The following PIK3CD variants were observed in gnomAD, a reference collection of about 807,000 sequenced individuals.
The protein encoded by PIK3CD is phosphatidylinositol 4,5-bisphosphate 3-kinase catalytic subunit delta isoform.
PIK3CD carries 20 observed loss-of-function variants against 122.9 expected under a neutral mutation model. That is an observed-to-expected ratio of 0.16 (90% CI 0.11 to 0.24). The LOEUF (loss-of-function observed/expected upper bound fraction) is 0.24, where lower values mean the gene tolerates loss of function less well. Ranked by LOEUF, PIK3CD falls within the 10% of genes least tolerant of loss-of-function variation. The probability of loss-of-function intolerance (pLI) is 1.00; values close to 1 mark genes in which losing one functional copy is unlikely to be tolerated. For missense variants in PIK3CD, 787 were observed against 1,406.3 expected (o/e 0.56, Z 7.04); for synonymous variants, 596 against 593.4 (o/e 1.00, Z -0.06).
At chr1:9,674,692 C>CAAAAAAAAAA (rs35463378) in intron 1 of PIK3CD, among the ~76,000 whole-genome samples, 2 of 58,194 alleles carry the variant, frequency 3.4e-5, no homozygotes, top group Admixed American at 1.7e-4. Context: ...GACTCCGTCT[C>CAAAAAAAAAA]AAAAAAAAAA....
At chr1:9,675,578 A>C (rs1427027632) in intron 1 of PIK3CD, among the ~76,000 whole-genome samples, 1 of 151,826 alleles carries the variant, frequency 6.6e-6, no homozygotes, top group African/African-American at 2.4e-5. Context: ...CCCAGGAAGA[A>C]GTGCTGGGTT....
intron 1 of PIK3CD, among the ~76,000 whole-genome samples, chr1:9,664,025 C>CTTTCTT (rs1167340633): frequency 8.8e-5 from 13 of 147,908 alleles, no homozygotes; most frequent in Admixed American, 3.4e-4. Flanking sequence ...CGTTTTCTTT[C>CTTTCTT]TTTCTTTTTC....
chr1:9,663,432 C>T (rs1040946852), intron 1 of PIK3CD, among the ~76,000 whole-genome samples: 6 of 152,160 alleles, frequency 3.9e-5, no homozygotes, highest in Admixed American at 1.3e-4. Flanking sequence ...CCTCATTTCA[C>T]GGACCCAGAT....
At chr1:9,629,062 G>C in the PIK3CD span, among the ~76,000 whole-genome samples, 18 of 152,196 alleles carry the variant, frequency 1.2e-4, no homozygotes, top group Admixed American at 5.2e-4. Flanking sequence ...TCTCCCCACT[G>C]TCACCCCAGT....
intron 1 of PIK3CD, chr1:9,688,030 G>C (rs907088686): frequency 6.6e-6 from 1 of 152,226 alleles, no homozygotes; most frequent in Non-Finnish European, 1.5e-5. Flanking sequence ...GCCCTGGCTA[G>C]GGAGCTCCGA....
chr1:9,678,185 C>T (rs564214315), intron 1 of PIK3CD, among the ~76,000 whole-genome samples: 2 of 151,960 alleles, frequency 1.3e-5, no homozygotes, highest in Admixed American at 6.6e-5. Flanking sequence ...AAAATCCGGC[C>T]GGGCACTGTG....
chr1:9,691,354 C>T, intron 1 of PIK3CD, 113 bp from the exon 2 acceptor site: 1 of 391,182 alleles, frequency 2.6e-6, no homozygotes. Flanking sequence ...AAGGAGAGAC[C>T]TAGATGAAGC....
intron 1 of PIK3CD, among the ~76,000 whole-genome samples, chr1:9,655,454 C>CG (rs1296210354): frequency 7.5e-6 from 1 of 132,978 alleles, no homozygotes; most frequent in Non-Finnish European, 1.6e-5. Context: ...CCGCCCCCCC[C>CG]CCTTTTTTAT....
intron 3 of PIK3CD, among the ~76,000 whole-genome samples, chr1:9,714,963 G>A (rs1359187917): frequency 6.6e-6 from 1 of 152,072 alleles, no homozygotes; most frequent in Non-Finnish European, 1.5e-5. Flanking sequence ...CTGAGGTCAG[G>A]AGTTTGAGAC....
At position 9,724,735 on chromosome 1, in the gene PIK3CD, T is replaced by G; in HGVS notation, c.2865-69T>G. 6.3e-7 allele frequency: 1 copy of G among 1,599,256 alleles called. No homozygotes were observed. Among genetic ancestry groups the G allele is most frequent in the South Asian group, 1.1e-5 (1 of 90,696 alleles). On this transcript the variant is annotated intron_variant, in intron 22 of 23. Transcript: ENST00000377346. The surrounding 1 kb of genome is among the most constrained non-coding windows in gnomAD (Gnocchi z 7.3). ...GTCCTTGGGGAAGGGGCTGGTTGGATGCAGAGCGGCCCTCTGGCCTGTGGC... is the reference window on the plus strand; with the variant it reads ...GTCCTTGGGGAAGGGGCTGGTTGGAGGCAGAGCGGCCCTCTGGCCTGTGGC...
At chr1:9,675,243 G>A (rs1236635037) in intron 1 of PIK3CD, among the ~76,000 whole-genome samples, 6 of 150,316 alleles carry the variant, frequency 4.0e-5, no homozygotes, top group Non-Finnish European at 5.9e-5. Context: ...AAAATTAGCC[G>A]GGCGTGGTAG....
chr1:9,666,424 G>A (rs1645162413), intron 1 of PIK3CD, among the ~76,000 whole-genome samples: 2 of 150,890 alleles, frequency 1.3e-5, no homozygotes, highest in Non-Finnish European at 2.9e-5. Context: ...GTAGAGACAG[G>A]GTTTTACTAT....
chr1:9,649,840 C>T (rs1428905643), upstream of PIK3CD, among the ~76,000 whole-genome samples: 3 of 152,174 alleles, frequency 2.0e-5, no homozygotes, highest in South Asian at 4.1e-4. Context: ...GCCTGGAGGT[C>T]GCTGCTGTCA....
At chr1:9,726,164 G>C (rs765066180) in intron 23 of PIK3CD, among the ~76,000 whole-genome samples, 1 of 152,038 alleles carries the variant, frequency 6.6e-6, no homozygotes, top group African/African-American at 2.4e-5. Flanking sequence ...AGTAAGCCTA[G>C]ATCGCGCCAC....
chr1:9,682,316 C>T (rs1645785486), intron 1 of PIK3CD, among the ~76,000 whole-genome samples: 1 of 152,102 alleles, frequency 6.6e-6, no homozygotes, highest in African/African-American at 2.4e-5. Context: ...GGCGCCATCT[C>T]AGCTCACTAC....
In PIK3CD at chr1:9,726,787, G is replaced by C. The variant is rs12037599; in HGVS notation, c.2998-122G>C. ...GGGAGCGGAATAGAGAGCTTTTCCTGAGATGCTGGGAGCTCTCTACTAACC... is the reference window on the plus strand; with the variant it reads ...GGGAGCGGAATAGAGAGCTTTTCCTCAGATGCTGGGAGCTCTCTACTAACC... On this transcript the variant is annotated intron_variant, in intron 23 of 23. Transcript: ENST00000377346. 104,071 of 1,256,372 alleles carry C rather than the reference G, an allele frequency of 0.083. 8,167 individuals carry two copies. Among genetic ancestry groups the C allele is most frequent in the South Asian group, 0.27 (20,964 of 76,250 alleles). 77.8% of individuals were successfully genotyped at this position (1,256,372 alleles called of 1,614,324 possible). A position where few individuals can be genotyped will look rare whatever the true frequency, so the allele number is the denominator to read the frequency against.
At chr1:9,654,444 T>TG (rs756348859) in intron 1 of PIK3CD, 1 of 1,360,342 alleles carries the variant, frequency 7.4e-7, no homozygotes, top group Non-Finnish European at 9.8e-7. Flanking sequence ...CATCAGCCCC[T>TG]GGGGGGCTTA....
intron 1 of PIK3CD, among the ~76,000 whole-genome samples, chr1:9,680,443 C>T (rs182260078): frequency 1.3e-5 from 2 of 150,166 alleles, no homozygotes; most frequent in Admixed American, 1.3e-4. Context: ...GACCCTGTCT[C>T]TATTAAAAAA....
intron 2 of PIK3CD, among the ~76,000 whole-genome samples, chr1:9,693,695 A>G (rs1646292690): frequency 6.6e-6 from 1 of 152,118 alleles, no homozygotes; most frequent in African/African-American, 2.4e-5. Context: ...ATTCTTAAAA[A>G]AAAAAAACTA....
Sources: gnomAD v4.1 joint callset for allele counts (sites outside exome capture counted in the v4.1 genomes callset) on GRCh38, gnomAD v4.1.1 for gene constraint, Gnocchi (gnomAD v3.1) non-coding constraint, MANE v1.5 for transcripts, NCBI Gene and HGNC (gene_info 2026-07-23, HGNC 2026-07-21) for gene names.